CSMD1: variants seen among roughly 807,000 people sequenced by gnomAD.
CSMD1 encodes CUB and sushi domain-containing protein 1.
In CSMD1, 213 loss-of-function variants were observed where a neutral mutation model predicts 417.5. The ratio of observed to expected loss-of-function variants is 0.51; its 90% CI spans 0.46 to 0.57. CSMD1 has a LOEUF of 0.57. Ranked by LOEUF, CSMD1 falls within the 20% of genes least tolerant of loss-of-function variation. The pLI is 0.00. For synonymous variants in CSMD1, 2,862 were observed against 1,736.8 expected, an observed-to-expected ratio of 1.65 and a Z score of -16.11; for missense variants, 6,923 against 4,529.7, an observed-to-expected ratio of 1.53 and a Z score of -15.17.
At chr8:3,290,868 T>A (rs1374293312) in intron 25 of CSMD1, among the ~76,000 whole-genome samples, 1 of 151,954 alleles carries the variant, frequency 6.6e-6, no homozygotes, top group Non-Finnish European at 1.5e-5. Flanking sequence ...CTATATTGAA[T>A]AGGAGTGGTG....
In CSMD1 at chr8:4,446,307, G is replaced by A. The variant is rs180767670; in HGVS notation, c.303-26242C>T. On this transcript the variant is annotated intron_variant, in intron 2 of 69. Coordinates refer to ENST00000635120, the MANE Select transcript of CSMD1 (RefSeq NM_033225.6). ...TCATGCCCGTAATCCTGCTTCTTTG[G>A]GAGCCCAGCATGGGTGGATCGCTTG... Among the ~76,000 whole-genome samples, 10 of 152,232 alleles carry A rather than the reference G, an allele frequency of 6.6e-5. 1 individual carries two copies. In the East Asian group the frequency reaches 1.4e-3, roughly 21 times the overall value.
intron 2 of CSMD1, among the ~76,000 whole-genome samples, chr8:4,440,079 T>C (rs751553956): frequency 1.3e-5 from 2 of 152,332 alleles, no homozygotes; most frequent in East Asian, 1.9e-4. Flanking sequence ...ACACTGTTTT[T>C]AACTGTGTTA....
chr8:4,194,514 G>C (rs1799218397), intron 3 of CSMD1, among the ~76,000 whole-genome samples: 1 of 152,124 alleles, frequency 6.6e-6, no homozygotes, highest in Non-Finnish European at 1.5e-5. Flanking sequence ...AATAATGCCA[G>C]GAAGCATCTC....
chr8:3,599,616 G>A (rs1469234686), intron 8 of CSMD1, among the ~76,000 whole-genome samples: 1 of 152,144 alleles, frequency 6.6e-6, no homozygotes, highest in African/African-American at 2.4e-5. Flanking sequence ...ACCACTTCAT[G>A]CTATACATCA....
At chr8:3,449,404 G>T (rs921484054) in intron 12 of CSMD1, among the ~76,000 whole-genome samples, 14 of 152,028 alleles carry the variant, frequency 9.2e-5, no homozygotes, top group African/African-American at 3.4e-4. Flanking sequence ...CAAGTCAGAG[G>T]AAACCCCAGG....
chr8:4,298,075 C>G (rs1214512114), intron 3 of CSMD1, among the ~76,000 whole-genome samples: 3 of 152,088 alleles, frequency 2.0e-5, no homozygotes, highest in African/African-American at 7.2e-5. Context: ...TAGCGTCTCT[C>G]TGGTGAAAAC....
intron 5 of CSMD1, among the ~76,000 whole-genome samples, chr8:3,869,534 T>A (rs908193189): frequency 5.9e-5 from 9 of 152,196 alleles, no homozygotes; most frequent in African/African-American, 2.2e-4. Context: ...TTTTATCATT[T>A]CTTCCTGAGA....
Position 4,583,312 on chromosome 8 carries a change from G to C in CSMD1, c.302+54030C>G, listed in dbSNP as rs1044467899. ...CGCTCCTGAGTCTGGTGGGGCCTTGGAGAACCTTTATGTGTCTTCCTCAGG... is the reference window on the plus strand; with the variant it reads ...CGCTCCTGAGTCTGGTGGGGCCTTGCAGAACCTTTATGTGTCTTCCTCAGG... On this transcript the variant is annotated intron_variant, in intron 2 of 69. Coordinates refer to ENST00000635120, the MANE Select transcript of CSMD1 (RefSeq NM_033225.6). 3.9e-5 allele frequency among the ~76,000 whole-genome samples: 6 copies of C among 152,296 alleles called. No individual in the cohort carries two copies. In the Middle Eastern group the frequency reaches 0.014, roughly 345 times the overall value.
chr8:4,135,861 A>G (rs374251398), intron 3 of CSMD1, among the ~76,000 whole-genome samples: 2 of 152,188 alleles, frequency 1.3e-5, no homozygotes, highest in African/African-American at 4.8e-5. Context: ...TTTAAATCTA[A>G]TAAGAAAAAT....
At position 3,424,559 on chromosome 8, in the gene CSMD1, T is replaced by A. The variant is rs953789384; in HGVS notation, c.1562-14954A>T. On this transcript the variant is annotated intron_variant, in intron 12 of 69. Transcript: ENST00000635120. ...CTATTGTTCTTGTAGTTTTTGTAAT[T>A]ACACTTAGTAAAACAATATGACTTC... is the stretch of plus-strand genomic sequence containing the variant. Among the ~76,000 whole-genome samples the A allele has an allele frequency of 3.9e-5, 6 of 152,370 alleles. No homozygotes were observed. The East Asian group carries it at 1.2e-3, about 29-fold the overall frequency.
At chr8:3,041,953 G>C (rs541894535) in intron 50 of CSMD1, among the ~76,000 whole-genome samples, 4 of 152,188 alleles carry the variant, frequency 2.6e-5, no homozygotes, top group African/African-American at 9.7e-5. Context: ...GAATATGTTA[G>C]TGATTATTGG....
At chr8:3,331,731 A>G (rs1806908090) in intron 23 of CSMD1, among the ~76,000 whole-genome samples, 1 of 152,234 alleles carries the variant, frequency 6.6e-6, no homozygotes, top group Non-Finnish European at 1.5e-5. Context: ...TGTACCTGGA[A>G]TGAACTTGGT....
chr8:3,930,431 G>C (rs535188962), intron 5 of CSMD1, among the ~76,000 whole-genome samples: 3 of 150,640 alleles, frequency 2.0e-5, no homozygotes, highest in Non-Finnish European at 4.4e-5. Context: ...TTAGGTCAAA[G>C]CCTGTTCTTC....
chr8:2,988,274 C>A (rs971422885), intron 54 of CSMD1, among the ~76,000 whole-genome samples: 1 of 152,006 alleles, frequency 6.6e-6, no homozygotes, highest in African/African-American at 2.4e-5. Context: ...TCTTAATTTT[C>A]TTTATGCTTA....
At chr8:2,940,723 G>A (rs949305466) in intron 69 of CSMD1, among the ~76,000 whole-genome samples, 15 of 152,092 alleles carry the variant, frequency 9.9e-5, no homozygotes, top group African/African-American at 3.6e-4. Context: ...ATAATTATGT[G>A]GGGTTATCTT....
chr8:4,260,315 T>C (rs1803787586), intron 3 of CSMD1, among the ~76,000 whole-genome samples: 1 of 152,232 alleles, frequency 6.6e-6, no homozygotes, highest in Admixed American at 6.5e-5. Context: ...TCTTTTATGA[T>C]GTGTCTGTTT....
chr8:4,255,682 T>C (rs893509498), intron 3 of CSMD1, among the ~76,000 whole-genome samples: 1 of 152,172 alleles, frequency 6.6e-6, no homozygotes. Context: ...ACGTGAAGAG[T>C]TAAGGTAGTT....
chr8:4,844,758 G>C (rs1315162486), intron 1 of CSMD1, among the ~76,000 whole-genome samples: 1 of 152,166 alleles, frequency 6.6e-6, no homozygotes, highest in African/African-American at 2.4e-5. Context: ...TCAGTGATAA[G>C]CTTAATTAAT....
chr8:3,758,038 G>C (rs10101439), intron 5 of CSMD1, among the ~76,000 whole-genome samples: 2 of 151,832 alleles, frequency 1.3e-5, no homozygotes, highest in African/African-American at 4.8e-5. Flanking sequence ...ATCTCAGCTC[G>C]CTGCAACCTC....
Sources: gnomAD v4.1 joint callset for allele counts (sites outside exome capture counted in the v4.1 genomes callset) on GRCh38, gnomAD v4.1.1 for gene constraint, MANE v1.5 for transcripts, NCBI Gene and HGNC (gene_info 2026-07-23, HGNC 2026-07-21) for gene names.